Variants in PDXDC1 observed in about 807,000 individuals in gnomAD.
The protein encoded by PDXDC1 is pyridoxal dependent decarboxylase domain containing 1.
Under a neutral mutation model 100.1 loss-of-function variants are expected in PDXDC1, and 42 were observed. That is an observed-to-expected ratio of 0.42 (90% confidence interval 0.33 to 0.54). The LOEUF (loss-of-function observed/expected upper bound fraction) is 0.54. Among genes scored for constraint, PDXDC1 ranks in the 20% least tolerant of loss-of-function variants. The probability of loss-of-function intolerance (pLI) is 0.10; values close to 1 mark genes in which losing one functional copy is unlikely to be tolerated. For missense variants in PDXDC1, 636 were observed against 979.2 expected (o/e 0.65, Z 4.68); for synonymous variants, 260 against 371.7 (o/e 0.70, Z 3.46).
At chr16:15,132,922 G>A in intron 16 of PDXDC1, 9 of 1,583,672 alleles carry the variant, frequency 5.7e-6, no homozygotes, top group South Asian at 2.2e-5. Flanking sequence ...CAGGAGACCG[G>A]CAGGAGGCCA....
chr16:15,089,560 G>C (rs1290066167), intron 16 of PDXDC1, among the ~76,000 whole-genome samples: 1 of 152,090 alleles, frequency 6.6e-6, no homozygotes, highest in Non-Finnish European at 1.5e-5. Context: ...CAGCACTTTG[G>C]GAGGCCAAGG....
chr16:15,029,022 C>T (rs762231490), intron 15 of PDXDC1, 56 bp downstream of exon 15: 45 of 1,558,778 alleles, frequency 2.9e-5, no homozygotes, highest in Admixed American at 2.4e-4. Flanking sequence ...CACCATCCGA[C>T]CTGCTGGTGA....
intron 12 of PDXDC1, among the ~76,000 whole-genome samples, chr16:15,019,957 A>G (rs1298236146): frequency 1.3e-5 from 2 of 152,286 alleles, no homozygotes; most frequent in East Asian, 3.9e-4. Context: ...CTAAAAATAC[A>G]AAAAATTAGC....
chr16:15,073,670 T>G (rs2045335115), intron 16 of PDXDC1, among the ~76,000 whole-genome samples: 1 of 152,236 alleles, frequency 6.6e-6, no homozygotes, highest in African/African-American at 2.4e-5. Flanking sequence ...TCCGATCATT[T>G]TACTGTTAGT....
chr16:15,009,603 C>A (rs1280340089), intron 7 of PDXDC1, 78 bp from the exon 8 acceptor site: 1 of 1,573,966 alleles, frequency 6.4e-7, no homozygotes, highest in African/African-American at 1.4e-5. Context: ...TTATCTGCTT[C>A]TTTTGTAAGT....
chr16:15,132,736 C>T lies in PDXDC1; in HGVS notation c.1400-6143C>T, dbSNP rs1487433758. ...GCCATCCTACCATGCACTGGGCCAG[C>T]GCAGCAGCGATCTGCTGGATGTCAT... is the stretch of plus-strand genomic sequence containing the variant. On this transcript the variant is annotated intron_variant, in intron 16 of 16. Transcript: ENST00000535621. The T allele has an allele frequency of 2.9e-5, 32 of 1,093,724 alleles. No homozygotes were observed. In the Middle Eastern group the frequency reaches 8.6e-4, roughly 29 times the overall value. 67.8% of individuals were successfully genotyped at this position (1,093,724 alleles called of 1,614,324 possible). A position where few individuals can be genotyped will look rare whatever the true frequency, so the allele number is the denominator to read the frequency against.
chr16:15,073,108 T>C (rs1170490974), intron 16 of PDXDC1: 3 of 1,601,242 alleles, frequency 1.9e-6, no homozygotes, highest in Non-Finnish European at 2.5e-6. Context: ...CATCTCAGTT[T>C]TTATAAAGAC....
intron 16 of PDXDC1, chr16:15,104,326 A>G (rs1199610368): frequency 1.3e-6 from 2 of 1,544,884 alleles, no homozygotes; most frequent in South Asian, 1.2e-5. Context: ...TTTTATTTTT[A>G]TATTATTTAT....
downstream of PDXDC1, among the ~76,000 whole-genome samples, chr16:15,142,838 G>A (rs2048496227): frequency 6.6e-6 from 1 of 151,916 alleles, no homozygotes; most frequent in Admixed American, 6.6e-5. Context: ...TGCAAGGATG[G>A]GGGACACAGC....
chr16:15,048,656 C>T (rs374317705), intron 16 of PDXDC1, among the ~76,000 whole-genome samples: 1 of 152,184 alleles, frequency 6.6e-6, no homozygotes, highest in East Asian at 1.9e-4. Context: ...CAGTCTCTCA[C>T]TCTGTCACCC....
At chr16:15,009,455 A>G (rs1334531685) in intron 7 of PDXDC1, 6 of 706,822 alleles carry the variant, frequency 8.5e-6, no homozygotes, top group African/African-American at 7.2e-5. Context: ...GTTCCTGCAT[A>G]TGTACAGTTT....
At chr16:14,996,414 TATG>T (rs1971976453) in intron 1 of PDXDC1, 1 of 394,862 alleles carries the variant, frequency 2.5e-6, no homozygotes, top group African/African-American at 2.1e-5. Flanking sequence ...ATAACTTATA[TATG>T]ATATTATATG....
At chr16:15,094,241 A>G (rs191512880) in intron 16 of PDXDC1, 17,189 of 1,572,644 alleles carry the variant, frequency 0.011, 124 homozygotes, top group Middle Eastern at 0.035. Context: ...CATTGGGCCG[A>G]ACTAACGCGA....
intron 16 of PDXDC1, among the ~76,000 whole-genome samples, chr16:15,054,348 C>T (rs2044415737): frequency 6.6e-6 from 1 of 152,218 alleles, no homozygotes; most frequent in Admixed American, 6.5e-5. Flanking sequence ...GAAGCAGCCC[C>T]GGTATGTCAC....
chr16:15,133,879 G>A (rs562521199), intron 16 of PDXDC1: 65,922 of 1,519,722 alleles, frequency 0.043, 1,414 homozygotes, highest in Non-Finnish European at 0.052. Flanking sequence ...AGCGGCGGGC[G>A]GTTGGGGGAC....
chr16:15,035,638 C>G (rs140792129), intron 22 of PDXDC1, 85 bp downstream of exon 22: 3 of 718,670 alleles, frequency 4.2e-6, no homozygotes, highest in Non-Finnish European at 6.9e-6. Context: ...TTCTTGAACT[C>G]CAGAGGTCTA....
the PDXDC1 span, among the ~76,000 whole-genome samples, chr16:15,148,945 T>C: frequency 9.8e-4 from 149 of 152,314 alleles, no homozygotes; most frequent in Non-Finnish European, 1.8e-3. Flanking sequence ...TTTGGCGAGT[T>C]TGCATCCGTG....
chr16:15,030,321 G>C (rs2042962462), intron 16 of PDXDC1, among the ~76,000 whole-genome samples: 1 of 152,230 alleles, frequency 6.6e-6, no homozygotes, highest in Non-Finnish European at 1.5e-5. Context: ...AAGGCAGGCA[G>C]ATCATCTGAG....
chr16:15,044,696 G>A, intron 16 of PDXDC1: 2 of 479,036 alleles, frequency 4.2e-6, no homozygotes, highest in Non-Finnish European at 7.5e-6. Flanking sequence ...GAAGAGCACA[G>A]GCACAGGACA....
Sources: allele counts gnomAD v4.1 joint callset (sites outside exome capture counted in the v4.1 genomes callset), GRCh38; gene constraint gnomAD v4.1.1; transcripts MANE v1.5; gene names NCBI Gene and HGNC (gene_info 2026-07-23, HGNC 2026-07-21).